Variants in MAPKAP1 observed in about 807,000 individuals in gnomAD.
The protein encoded by MAPKAP1 is target of rapamycin complex 2 subunit MAPKAP1.
A neutral mutation model predicts 65.7 loss-of-function variants in MAPKAP1; 20 were observed. The observed-to-expected ratio is 0.30, with a 90% CI of 0.21 to 0.44. The LOEUF (loss-of-function observed/expected upper bound fraction) is 0.44, where lower values mean the gene tolerates loss of function less well. Ranked by LOEUF, MAPKAP1 falls within the 20% of genes least tolerant of loss-of-function variation. The probability of loss-of-function intolerance (pLI) is 1.00; values close to 1 mark genes in which losing one functional copy is unlikely to be tolerated. For missense variants in MAPKAP1, 423 were observed against 648.0 expected, an observed-to-expected ratio of 0.65 and a Z score of 3.77; for synonymous variants, 222 against 244.3, an observed-to-expected ratio of 0.91 and a Z score of 0.85.
intron 10 of MAPKAP1, among the ~76,000 whole-genome samples, chr9:125,456,490 T>C (rs1853167235): frequency 6.6e-6 from 1 of 152,254 alleles, no homozygotes; most frequent in South Asian, 2.1e-4. Context: ...CTGCTTTTCA[T>C]GCCCTTGTGT....
chr9:125,542,848 T>C (rs1830293061), intron 7 of MAPKAP1: 2 of 712,324 alleles, frequency 2.8e-6, no homozygotes, highest in Non-Finnish European at 5.2e-6. Flanking sequence ...TTGATATGAA[T>C]ACATTCTTCT....
At chr9:125,460,190 G>A (rs946842570) in intron 10 of MAPKAP1, among the ~76,000 whole-genome samples, 3 of 151,790 alleles carry the variant, frequency 2.0e-5, no homozygotes, top group Non-Finnish European at 4.4e-5. Flanking sequence ...CTAGGAAAAC[G>A]CAAATGTATA....
At chr9:125,563,802 T>C (rs1011517095) in intron 5 of MAPKAP1, among the ~76,000 whole-genome samples, 2 of 152,140 alleles carry the variant, frequency 1.3e-5, no homozygotes, top group African/African-American at 4.8e-5. Flanking sequence ...CTGAAACCTC[T>C]GCCTCCCAGT....
intron 4 of MAPKAP1, among the ~76,000 whole-genome samples, chr9:125,592,201 G>A (rs545192430): frequency 6.6e-6 from 1 of 152,294 alleles, no homozygotes; most frequent in East Asian, 1.9e-4. Flanking sequence ...TTAAGAAGGG[G>A]AAAGTCCAGT....
At chr9:125,621,605 A>C (rs549174911) in intron 4 of MAPKAP1, among the ~76,000 whole-genome samples, 10 of 152,364 alleles carry the variant, frequency 6.6e-5, no homozygotes, top group African/African-American at 1.9e-4. Context: ...ACTGAACCAA[A>C]AATAACAATA....
intron 4 of MAPKAP1, among the ~76,000 whole-genome samples, chr9:125,645,535 A>C (rs1833700378): frequency 6.6e-6 from 1 of 152,114 alleles, no homozygotes; most frequent in African/African-American, 2.4e-5. Context: ...TCAGGAGTTC[A>C]AGACCAGCCT....
chr9:125,447,279 C>A lies in MAPKAP1; in HGVS notation c.1346-2681G>T. On this transcript the variant is annotated intron_variant, in intron 10 of 11. Coordinates refer to ENST00000265960, the MANE Select transcript of MAPKAP1 (RefSeq NM_001006617.3). This position sits in a 1 kb window ranked among gnomAD's most constrained non-coding sequence, Gnocchi z 4.5. Reference sequence around the variant, plus strand: ...AAGAGTCCCAACATTCCCCCACTCTCCCTCAAGCCTCCGGTCTGTTTGTCC... The same window carrying A: ...AAGAGTCCCAACATTCCCCCACTCTACCTCAAGCCTCCGGTCTGTTTGTCC... 5.0e-6 allele frequency: 2 copies of A among 399,358 alleles called. No homozygotes were observed. Among genetic ancestry groups the A allele is most frequent in the Non-Finnish European group, 5.1e-6 (1 of 194,262 alleles). The allele number at this position is 399,358 out of a possible 1,614,324, so 24.7% of individuals were successfully genotyped here. A position where few individuals can be genotyped will look rare whatever the true frequency, so the allele number is the denominator to read the frequency against.
Position 125,521,520 on chromosome 9 carries a change from G to A in MAPKAP1, c.959-15103C>T, listed in dbSNP as rs1394643773. On this transcript the variant is annotated intron_variant, in intron 7 of 11. Transcript: ENST00000265960. ...TTAAACAATTGTAAAATAGTTTATG[G>A]AAACCAGTGGGGTAATGCATTCAAA... 5.4e-6 allele frequency: 7 copies of A among 1,306,484 alleles called. No homozygotes were observed. The African/African-American group carries it at 1.1e-4, about 20-fold the overall frequency. 80.9% of individuals were successfully genotyped at this position (1,306,484 alleles called of 1,614,324 possible).
At chr9:125,693,686 CGTAT>C (rs1835269424) in intron 1 of MAPKAP1, among the ~76,000 whole-genome samples, 1 of 128,914 alleles carries the variant, frequency 7.8e-6, no homozygotes, top group African/African-American at 2.9e-5. Context: ...TATATATACA[CGTAT>C]ATATACACGT....
intron 9 of MAPKAP1, among the ~76,000 whole-genome samples, chr9:125,476,344 T>C (rs1854108568): frequency 6.6e-6 from 1 of 152,120 alleles, no homozygotes; most frequent in Non-Finnish European, 1.5e-5. Context: ...ATATCAGAAT[T>C]GCCAACTTCA....
At chr9:125,547,893 C>T (rs1254007510) in intron 6 of MAPKAP1, among the ~76,000 whole-genome samples, 1 of 152,142 alleles carries the variant, frequency 6.6e-6, no homozygotes, top group Non-Finnish European at 1.5e-5. Context: ...AATTCACTGG[C>T]TTTGCATGAT....
chr9:125,650,194 T>C (rs565243188), intron 4 of MAPKAP1, among the ~76,000 whole-genome samples: 82 of 152,276 alleles, frequency 5.4e-4, no homozygotes, highest in African/African-American at 1.7e-3. Flanking sequence ...CTGCAAAAAA[T>C]GTCTTGATTA....
intron 10 of MAPKAP1, among the ~76,000 whole-genome samples, chr9:125,458,886 G>T (rs1488194736): frequency 1.6e-3 from 1 of 626 alleles, no homozygotes. Flanking sequence ...GCCGCTGGCC[G>T]GGCGGGGCGG....
intron 8 of MAPKAP1, among the ~76,000 whole-genome samples, chr9:125,498,046 A>T (rs1405800864): frequency 6.6e-6 from 1 of 152,134 alleles, no homozygotes; most frequent in Non-Finnish European, 1.5e-5. Context: ...CCTCCCCATA[A>T]TGTACTTGGG....
intron 5 of MAPKAP1, among the ~76,000 whole-genome samples, chr9:125,570,283 C>G (rs1397182477): frequency 6.6e-6 from 1 of 152,150 alleles, no homozygotes; most frequent in Non-Finnish European, 1.5e-5. Flanking sequence ...ATGGGTAAGT[C>G]ATGAAAAAAT....
intron 6 of MAPKAP1, among the ~76,000 whole-genome samples, chr9:125,545,743 G>C (rs1410672112): frequency 6.6e-6 from 1 of 152,098 alleles, no homozygotes; most frequent in African/African-American, 2.4e-5. Flanking sequence ...AAAGATTTTT[G>C]AGCAGAGGAA....
intron 5 of MAPKAP1, among the ~76,000 whole-genome samples, chr9:125,582,971 A>G (rs1455833961): frequency 2.6e-5 from 4 of 152,156 alleles, no homozygotes. Context: ...AAAAATCAGT[A>G]TGTCATACAC....
chr9:125,480,974 GGAAAAAAA>G (rs1222384544), intron 9 of MAPKAP1, among the ~76,000 whole-genome samples: 5 of 97,648 alleles, frequency 5.1e-5, no homozygotes, highest in East Asian at 2.6e-4. Flanking sequence ...TCCGTTTCGG[GGAAAAAAA>G]AAAAAAAAAA....
chr9:125,629,073 A>G (rs1445488506), intron 4 of MAPKAP1, among the ~76,000 whole-genome samples: 4 of 151,888 alleles, frequency 2.6e-5, no homozygotes, highest in African/African-American at 7.3e-5. Flanking sequence ...ACACACACAC[A>G]CACACACACA....
Sources: allele counts gnomAD v4.1 joint callset (sites outside exome capture counted in the v4.1 genomes callset), GRCh38; gene constraint gnomAD v4.1.1; non-coding constraint Gnocchi (gnomAD v3.1); transcripts MANE v1.5; gene names NCBI Gene and HGNC (gene_info 2026-07-23, HGNC 2026-07-21).